PDZRN4: variants seen among roughly 807,000 people sequenced by gnomAD.
PDZRN4 encodes the protein PDZ domain-containing RING finger protein 4.
In PDZRN4, 70 loss-of-function variants were observed where a neutral mutation model predicts 99.0. That is an observed-to-expected ratio of 0.71 (90% CI 0.58 to 0.86). The LOEUF is 0.86. Among genes scored for constraint, PDZRN4 ranks in the 40% least tolerant of loss-of-function variants. PDZRN4 has a pLI of 0.00. For synonymous variants in PDZRN4, 551 were observed against 501.6 expected (o/e 1.10, Z -1.32); for missense variants, 1,474 against 1,331.2 (o/e 1.11, Z -1.67).
intron 3 of PDZRN4, among the ~76,000 whole-genome samples, chr12:41,227,075 A>G (rs1202186630): frequency 6.6e-6 from 1 of 152,186 alleles, no homozygotes; most frequent in Non-Finnish European, 1.5e-5. Flanking sequence ...AAACTATAGA[A>G]AAATACACAT....
chr12:41,563,621 T>C lies in PDZRN4; in HGVS notation c.1439T>C (p.Val480Ala). ...TCTAACGATGAGTGTAAGAGAATCG[T>C]GCTGCTTGTTGCAAGGCCAGAGATT... ...LLSNDECKRI[V>A]LLVARPEIQL... Residue 480 changes from valine (V) to alanine (A), a missense_variant, in exon 8 of 10, where the codon GTG becomes GCG. Physicochemically the swap from Val to Ala is moderately conservative, Grantham distance 64. Coordinates refer to ENST00000402685, the MANE Select transcript of PDZRN4 (RefSeq NM_001164595.2). 6.2e-7 allele frequency: 1 copy of C among 1,613,306 alleles called. No individual in the cohort carries two copies. Among genetic ancestry groups the C allele is most frequent in the Non-Finnish European group, 8.5e-7 (1 of 1,179,438 alleles).
At chr12:41,546,509 C>G (rs1213651164) in intron 5 of PDZRN4, among the ~76,000 whole-genome samples, 1 of 152,082 alleles carries the variant, frequency 6.6e-6, no homozygotes, top group Admixed American at 6.5e-5. Context: ...GAATGTTGTG[C>G]CTACACATGC....
At chr12:41,351,663 T>A (rs1015030262) in intron 3 of PDZRN4, among the ~76,000 whole-genome samples, 5 of 151,776 alleles carry the variant, frequency 3.3e-5, no homozygotes, top group African/African-American at 1.2e-4. Flanking sequence ...AAGGGGGAAG[T>A]TCACCCTCAT....
chr12:41,391,019 T>C (rs1261509040), intron 3 of PDZRN4, among the ~76,000 whole-genome samples: 1 of 152,128 alleles, frequency 6.6e-6, no homozygotes, highest in African/African-American at 2.4e-5. Flanking sequence ...GGACATGCAA[T>C]TTCAAATGTT....
intron 5 of PDZRN4, among the ~76,000 whole-genome samples, chr12:41,537,925 A>G (rs1208885619): frequency 6.6e-6 from 1 of 151,916 alleles, no homozygotes; most frequent in Non-Finnish European, 1.5e-5. Flanking sequence ...ATGCCAGCAG[A>G]AAGAACTTCA....
chr12:41,306,166 C>A (rs1436156180), intron 3 of PDZRN4, among the ~76,000 whole-genome samples: 2 of 152,140 alleles, frequency 1.3e-5, no homozygotes, highest in African/African-American at 4.8e-5. Flanking sequence ...ACTAGGGTGG[C>A]AACATTGTCT....
In PDZRN4 at chr12:41,530,836, T is replaced by C. The variant is rs910177720; in HGVS notation, c.1203+20923T>C. 5.3e-5 allele frequency among the ~76,000 whole-genome samples: 8 copies of C among 152,162 alleles called. No homozygotes were observed. In the South Asian group the frequency reaches 1.0e-3, roughly 20 times the overall value. On this transcript the variant is annotated intron_variant, in intron 5 of 9. Transcript: ENST00000402685. ...TTCCTTCTGGTGATATCGAATGACG[T>C]TGAGGATCCTTTTGAAATGGGAAAA...
chr12:41,554,590 G>T (rs1224256537), intron 6 of PDZRN4, among the ~76,000 whole-genome samples: 2 of 151,744 alleles, frequency 1.3e-5, no homozygotes, highest in Non-Finnish European at 2.9e-5. Flanking sequence ...AAGCTTTGAT[G>T]CAACAAGCCT....
chr12:41,355,404 T>C (rs959041885), intron 3 of PDZRN4, among the ~76,000 whole-genome samples: 5 of 151,998 alleles, frequency 3.3e-5, no homozygotes, highest in African/African-American at 1.2e-4. Context: ...GCAGACCAGA[T>C]TGGTATTTAG....
chr12:41,430,118 A>T (rs1172424554), intron 3 of PDZRN4, among the ~76,000 whole-genome samples: 2 of 152,246 alleles, frequency 1.3e-5, no homozygotes, highest in Non-Finnish European at 2.9e-5. Context: ...CTTGCTTCAG[A>T]TGCCATTATT....
chr12:41,545,703 C>A (rs1938938619), intron 5 of PDZRN4, among the ~76,000 whole-genome samples: 1 of 152,062 alleles, frequency 6.6e-6, no homozygotes, highest in Non-Finnish European at 1.5e-5. Flanking sequence ...GGGGATTTTT[C>A]TTTTGCTGTA....
chr12:41,190,997 A>G (rs1013127707), intron 1 of PDZRN4, among the ~76,000 whole-genome samples: 7 of 152,236 alleles, frequency 4.6e-5, no homozygotes, highest in Admixed American at 1.3e-4. Flanking sequence ...GAATGTTATG[A>G]CTATAATTTA....
At chr12:41,472,358 A>G (rs1953002029) in intron 3 of PDZRN4, among the ~76,000 whole-genome samples, 1 of 152,214 alleles carries the variant, frequency 6.6e-6, no homozygotes, top group Admixed American at 6.5e-5. Flanking sequence ...ATCACACAGT[A>G]CTGTTTATTA....
At chr12:41,343,891 T>TA (rs757844711) in intron 3 of PDZRN4, among the ~76,000 whole-genome samples, 13 of 151,906 alleles carry the variant, frequency 8.6e-5, no homozygotes, top group African/African-American at 1.2e-4. Context: ...ACAAGAAAGT[T>TA]AAAAAAAGCA....
intron 8 of PDZRN4, among the ~76,000 whole-genome samples, chr12:41,564,186 A>G (rs1370210668): frequency 6.6e-6 from 1 of 152,240 alleles, no homozygotes; most frequent in Non-Finnish European, 1.5e-5. Context: ...AAATAACTTT[A>G]TCAATTAGAA....
intron 3 of PDZRN4, among the ~76,000 whole-genome samples, chr12:41,488,337 A>T (rs77118085): frequency 0.018 from 2,798 of 152,286 alleles, 76 homozygotes; most frequent in African/African-American, 0.061. Flanking sequence ...GTCAAATGTT[A>T]TACTTGAGGT....
At chr12:41,253,910 C>T (rs1591986177) in intron 3 of PDZRN4, among the ~76,000 whole-genome samples, 1 of 151,932 alleles carries the variant, frequency 6.6e-6, no homozygotes, top group Admixed American at 6.6e-5. Flanking sequence ...CATATTCTCA[C>T]TCATATGGAG....
intron 3 of PDZRN4, among the ~76,000 whole-genome samples, chr12:41,290,510 C>A (rs1951451022): frequency 6.6e-6 from 1 of 152,002 alleles, no homozygotes; most frequent in South Asian, 2.1e-4. Context: ...AAAAAAATCA[C>A]CCTTCAGGAA....
intron 3 of PDZRN4, among the ~76,000 whole-genome samples, chr12:41,482,591 C>G (rs1014736804): frequency 2.6e-5 from 4 of 152,054 alleles, no homozygotes; most frequent in African/African-American, 9.7e-5. Context: ...ATATTATTCT[C>G]CCATTTTACA....
Sources: allele counts gnomAD v4.1 joint callset (sites outside exome capture counted in the v4.1 genomes callset), GRCh38; gene constraint gnomAD v4.1.1; transcripts MANE v1.5; gene names NCBI Gene and HGNC (gene_info 2026-07-23, HGNC 2026-07-21).